SLC4A8: variants seen among roughly 807,000 people sequenced by gnomAD.
The protein encoded by SLC4A8 is solute carrier family 4 member 8, also known as electroneutral sodium bicarbonate exchanger 1.
SLC4A8 carries 40 observed loss-of-function variants against 125.0 expected under a neutral mutation model. That is an observed-to-expected ratio of 0.32 (90% CI 0.25 to 0.42). The LOEUF (loss-of-function observed/expected upper bound fraction) is 0.42. Among genes scored for constraint, SLC4A8 ranks in the 10% least tolerant of loss-of-function variants. The pLI is 1.00. For missense variants in SLC4A8, 863 were observed against 1,355.1 expected (o/e 0.64, Z 5.70); for synonymous variants, 456 against 476.0 (o/e 0.96, Z 0.55).
Position 51,511,245 on chromosome 12 carries a change from T to C in SLC4A8, c.*3807T>C, listed in dbSNP as rs745909905. On this transcript the variant is annotated 3_prime_UTR_variant, in exon 25 of 25. Coordinates refer to ENST00000453097, the MANE Select transcript of SLC4A8 (RefSeq NM_001039960.3). Reference sequence around the variant, plus strand: ...CTGCGGAGGCAAGGCAAGGCTGTCATGGTGATTTTCACAGCATCTGGATGG... The same window carrying C: ...CTGCGGAGGCAAGGCAAGGCTGTCACGGTGATTTTCACAGCATCTGGATGG... 1 of 152,216 alleles carries C rather than the reference T, an allele frequency of 6.6e-6. No individual in the cohort carries two copies. Among genetic ancestry groups the C allele is most frequent in the Non-Finnish European group, 1.5e-5 (1 of 68,048 alleles). The allele number at this position is 152,216 out of a possible 1,614,324, so 9.4% of individuals were successfully genotyped here. A position where few individuals can be genotyped will look rare whatever the true frequency, so the allele number is the denominator to read the frequency against.
rs543705144 is a variant in SLC4A8 at position 51,429,258 on chromosome 12, C to A, written c.48+4223C>A. On this transcript the variant is annotated intron_variant, in intron 1 of 24. Coordinates refer to ENST00000453097, the MANE Select transcript of SLC4A8 (RefSeq NM_001039960.3). Reference sequence around the variant, plus strand: ...AGTGCCAGGGTTGCTTGTGGCCCTGCCAGACCCAGGGCTGCATCTCTGCAA... The same window carrying A: ...AGTGCCAGGGTTGCTTGTGGCCCTGACAGACCCAGGGCTGCATCTCTGCAA... Among the ~76,000 whole-genome samples the A allele has an allele frequency of 4.6e-5, 7 of 152,302 alleles. No individual in the cohort carries two copies. The South Asian group carries it at 1.5e-3, about 32-fold the overall frequency.
intron 1 of SLC4A8, among the ~76,000 whole-genome samples, chr12:51,419,066 A>T (rs929678939): frequency 1.3e-5 from 2 of 152,198 alleles, no homozygotes; most frequent in Non-Finnish European, 2.9e-5. Context: ...ATTGAAGCCA[A>T]TTCAATTTTA....
chr12:51,408,554 G>C (rs1948537977), intron 1 of SLC4A8, among the ~76,000 whole-genome samples: 1 of 152,152 alleles, frequency 6.6e-6, no homozygotes, highest in Non-Finnish European at 1.5e-5. Context: ...GGTTTTCTGA[G>C]AGATGTGGTG....
chr12:51,471,477 G>A lies in SLC4A8; in HGVS notation c.1849G>A (p.Ala617Thr), dbSNP rs771628144. 1.2e-6 allele frequency: 2 copies of A among 1,614,124 alleles called. No homozygotes were observed. The highest frequency in any genetic ancestry group is 1.7e-6 in the Non-Finnish European group (2 of 1,180,000). The change falls in exon 14 of 25, where the codon GCA becomes ACA. Residue 617 changes from alanine (A) to threonine (T), a missense_variant. Transcript: ENST00000453097. ...AGCAATAGAAAAACTGATTCACCTG[G>A]CAGAGACCTACCCCATCCACATGCA... is the stretch of plus-strand genomic sequence containing the variant. ...YEAIEKLIHL[A>T]ETYPIHMHSQ... is the part of the protein sequence containing the mutation.
At chr12:51,406,317 G>A (rs1948487158) in intron 1 of SLC4A8, among the ~76,000 whole-genome samples, 1 of 152,200 alleles carries the variant, frequency 6.6e-6, no homozygotes, top group Non-Finnish European at 1.5e-5. Context: ...AGTTGGAAAG[G>A]TTAATGCATT....
intron 11 of SLC4A8, among the ~76,000 whole-genome samples, chr12:51,468,825 C>A (rs1259631027): frequency 6.6e-6 from 1 of 152,156 alleles, no homozygotes; most frequent in Non-Finnish European, 1.5e-5. Flanking sequence ...GCTTCTCCAG[C>A]CTTGTCTATT....
chr12:51,417,372 A>C (rs966246865), intron 1 of SLC4A8, among the ~76,000 whole-genome samples: 3 of 149,658 alleles, frequency 2.0e-5, no homozygotes, highest in Admixed American at 6.6e-5. Context: ...TTTGAGATGG[A>C]GTCTTGCTCT....
chr12:51,418,212 T>C (rs1486288131), intron 1 of SLC4A8, among the ~76,000 whole-genome samples: 4 of 152,098 alleles, frequency 2.6e-5, no homozygotes, highest in African/African-American at 4.8e-5. Context: ...AGGAGGCAAA[T>C]TGAACCTGGA....
chr12:51,486,356 T>C (rs973168460), intron 17 of SLC4A8, among the ~76,000 whole-genome samples: 31 of 152,032 alleles, frequency 2.0e-4, no homozygotes, highest in Non-Finnish European at 4.4e-4. Context: ...GCCCCTTCCT[T>C]GAAGGGGGAG....
intron 5 of SLC4A8, among the ~76,000 whole-genome samples, chr12:51,453,903 T>C (rs902842151): frequency 1.3e-5 from 2 of 152,262 alleles, no homozygotes; most frequent in African/African-American, 4.8e-5. Flanking sequence ...TATTATGGTA[T>C]TCAAATGACA....
intron 5 of SLC4A8, among the ~76,000 whole-genome samples, chr12:51,455,476 G>A (rs996137328): frequency 6.6e-6 from 1 of 152,080 alleles, no homozygotes; most frequent in Admixed American, 6.5e-5. Context: ...TAGCATCTAG[G>A]GCAGATATTC....
intron 1 of SLC4A8, among the ~76,000 whole-genome samples, chr12:51,426,248 T>C (rs1948973166): frequency 6.6e-6 from 1 of 152,222 alleles, no homozygotes; most frequent in Admixed American, 6.5e-5. Flanking sequence ...CTTCTTTCCT[T>C]GCTCTGTCTG....
chr12:51,489,890 T>G lies in SLC4A8; in HGVS notation c.2639T>G (p.Val880Gly). ...TTCCTGGGCATCCGAGAACAGAGAG[T>G]GACAGGCCTTATGATCTTTGTGCTG... Reference protein sequence around the residue: ...PKFLGIREQRVTGLMIFVLMG... With the variant: ...PKFLGIREQRGTGLMIFVLMG... Residue 880 changes from valine to glycine, a missense_variant, in exon 19 of 25, where the codon GTG becomes GGG. Around this residue, in one of 6 missense-constraint regions of SLC4A8, gnomAD observed 197 missense variants for 377.7 expected, o/e 0.52. Coordinates refer to ENST00000453097, the MANE Select transcript of SLC4A8 (RefSeq NM_001039960.3). 1 of 1,614,030 alleles carries G rather than the reference T, an allele frequency of 6.2e-7. No individual in the cohort carries two copies.
At chr12:51,433,370 G>A (rs1949258517) in intron 1 of SLC4A8, among the ~76,000 whole-genome samples, 1 of 152,102 alleles carries the variant, frequency 6.6e-6, no homozygotes, top group Non-Finnish European at 1.5e-5. Context: ...TCAGAAAAGA[G>A]GATACTCAGA....
chr12:51,505,102 T>C (rs1938109429), intron 23 of SLC4A8, among the ~76,000 whole-genome samples: 1 of 152,258 alleles, frequency 6.6e-6, no homozygotes, highest in Non-Finnish European at 1.5e-5. Context: ...TAATAAACTT[T>C]CTACGTGTTG....
intron 1 of SLC4A8, among the ~76,000 whole-genome samples, chr12:51,399,174 A>G (rs982768468): frequency 5.3e-5 from 8 of 152,368 alleles, no homozygotes; most frequent in Admixed American, 1.3e-4. Context: ...TTGGTAGATG[A>G]GTCCAGATGT....
At chr12:51,500,843 C>T (rs1267344322) in intron 22 of SLC4A8, among the ~76,000 whole-genome samples, 1 of 138,274 alleles carries the variant, frequency 7.2e-6, no homozygotes, top group Non-Finnish European at 1.6e-5. Context: ...CTCGCCCCTG[C>T]GCCTGGCTTT....
intron 14 of SLC4A8, among the ~76,000 whole-genome samples, chr12:51,472,699 A>G (rs927528715): frequency 5.9e-5 from 9 of 152,220 alleles, no homozygotes; most frequent in African/African-American, 2.2e-4. Flanking sequence ...GAAGACAGGC[A>G]AAGTGACCAG....
At chr12:51,398,767 TGA>T (rs750092292) in intron 1 of SLC4A8, among the ~76,000 whole-genome samples, 3 of 152,232 alleles carry the variant, frequency 2.0e-5, no homozygotes, top group African/African-American at 7.2e-5. Flanking sequence ...TTTCTTTTTT[TGA>T]GAGAGAGTCT....
Sources: gnomAD v4.1 joint callset for allele counts (sites outside exome capture counted in the v4.1 genomes callset) on GRCh38, gnomAD v4.1.1 for gene constraint, gnomAD v4.1.1 regional missense constraint, MANE v1.5 for transcripts, NCBI Gene and HGNC (gene_info 2026-07-23, HGNC 2026-07-21) for gene names.